The following SDK2 variants were observed in gnomAD, a reference collection of about 807,000 sequenced individuals.
SDK2 encodes the protein protein sidekick-2.
A neutral mutation model predicts 253.9 loss-of-function variants in SDK2; 105 were observed. The ratio of observed to expected loss-of-function variants is 0.41; its 90% CI spans 0.35 to 0.49. The LOEUF is 0.49. Ranked by LOEUF, SDK2 falls within the 20% of genes least tolerant of loss-of-function variation. The probability of loss-of-function intolerance (pLI) is 0.06; values close to 1 mark genes in which losing one functional copy is unlikely to be tolerated. For missense variants in SDK2, 2,608 were observed against 3,003.0 expected, an observed-to-expected ratio of 0.87 and a Z score of 3.07; for synonymous variants, 1,249 against 1,234.9, an observed-to-expected ratio of 1.01 and a Z score of -0.24.
intron 1 of SDK2, among the ~76,000 whole-genome samples, chr17:73,636,077 G>T (rs561810125): frequency 4.8e-4 from 73 of 152,312 alleles, no homozygotes; most frequent in African/African-American, 1.6e-3. Context: ...TCTCCCTGGA[G>T]AATAGCTGTC....
chr17:73,567,383 G>C (rs2045327123), intron 1 of SDK2, among the ~76,000 whole-genome samples: 1 of 152,288 alleles, frequency 6.6e-6, no homozygotes, highest in African/African-American at 2.4e-5. Context: ...TGGGTGCCCA[G>C]ACAAGGCCTG....
At chr17:73,354,191 G>A (rs560814248) in intron 40 of SDK2, among the ~76,000 whole-genome samples, 10 of 152,312 alleles carry the variant, frequency 6.6e-5, no homozygotes, top group African/African-American at 2.4e-4. Context: ...ACAGGTGTGA[G>A]CCACCGCGCT....
At chr17:73,557,652 C>CT (rs1169872107) in intron 1 of SDK2, among the ~76,000 whole-genome samples, 1 of 151,956 alleles carries the variant, frequency 6.6e-6, no homozygotes, top group East Asian at 1.9e-4. Context: ...TCCTCCTCCT[C>CT]CTCTCTCTCT....
At chr17:73,493,552 C>T (rs2063822007) in intron 2 of SDK2, among the ~76,000 whole-genome samples, 1 of 152,212 alleles carries the variant, frequency 6.6e-6, no homozygotes, top group Non-Finnish European at 1.5e-5. Flanking sequence ...GTGGCAGGTC[C>T]ACATCCCTAG....
intron 44 of SDK2, among the ~76,000 whole-genome samples, chr17:73,339,938 T>C (rs2062420432): frequency 6.6e-6 from 1 of 152,190 alleles, no homozygotes. Flanking sequence ...TGGTGCAATC[T>C]GGGCTCACTG....
chr17:73,495,755 G>A (rs917450078), intron 2 of SDK2, among the ~76,000 whole-genome samples: 28 of 151,978 alleles, frequency 1.8e-4, no homozygotes, highest in African/African-American at 6.3e-4. Context: ...CCTCAGGTCG[G>A]GAGAAGGACA....
intron 1 of SDK2, among the ~76,000 whole-genome samples, chr17:73,591,563 A>T (rs918376282): frequency 6.6e-6 from 1 of 152,164 alleles, no homozygotes; most frequent in African/African-American, 2.4e-5. Context: ...AACCTGTAGG[A>T]CGTGTAGAAT....
intron 26 of SDK2, 31 bp from the exon 27 acceptor site, chr17:73,393,780 C>T: frequency 1.3e-6 from 2 of 1,493,862 alleles, no homozygotes; most frequent in South Asian, 2.8e-5. Flanking sequence ...GTGAGGGCCT[C>T]AGGCCTGCAT....
intron 29 of SDK2, among the ~76,000 whole-genome samples, chr17:73,389,183 C>CTTTTTT (rs61085516): frequency 2.0e-5 from 2 of 99,020 alleles, no homozygotes; most frequent in Admixed American, 1.1e-4. Flanking sequence ...ATATTCCTTT[C>CTTTTTT]TTTTTTTTTT....
intron 1 of SDK2, among the ~76,000 whole-genome samples, chr17:73,589,409 T>A (rs1038331381): frequency 6.6e-6 from 1 of 152,194 alleles, no homozygotes; most frequent in East Asian, 1.9e-4. Context: ...TGGGGCAGAT[T>A]TGCAGAGCTG....
chr17:73,353,700 A>ATTTTTTTTTT lies in SDK2; in HGVS notation c.5594-1073_5594-1064dup, dbSNP rs11370066. Among the ~76,000 whole-genome samples the ATTTTTTTTTT allele has an allele frequency of 3.1e-5, 3 of 97,222 alleles. 1 individual carries two copies. The highest frequency in any genetic ancestry group is 1.9e-5 in the Non-Finnish European group (1 of 52,422). 63.8% of individuals were successfully genotyped at this position (97,222 alleles called of 152,430 possible). Reference sequence around the variant, plus strand: ...AGGTGTGAGCCACTGTGCCTGGCCAATTTTTTTTTTTTTTTTTTTTTGAGA... The same window carrying ATTTTTTTTTT: ...AGGTGTGAGCCACTGTGCCTGGCCAATTTTTTTTTTTTTTTTTTTTTTTTTTTTTTTGAGA... On this transcript the variant is annotated intron_variant, in intron 40 of 44. Transcript: ENST00000392650.
In SDK2 at chr17:73,502,734, C is replaced by T. The variant is rs74654289; in HGVS notation, c.224+4704G>A. The stretch of plus-strand genomic sequence containing the variant: ...CCAACCACCATAGTAATAACTGATT[C>T]GGGTAAGACTCTTCAATGGATACTA... On this transcript the variant is annotated intron_variant, in intron 2 of 44. Transcript: ENST00000392650. 5.9e-3 allele frequency among the ~76,000 whole-genome samples: 899 copies of T among 152,258 alleles called. 14 individuals carry two copies. The highest frequency in any genetic ancestry group is 0.021 in the African/African-American group (863 of 41,552).
In SDK2 at chr17:73,605,240, C is replaced by T. The variant is rs116360893; in HGVS notation, c.64+38785G>A. 2.1e-3 allele frequency among the ~76,000 whole-genome samples: 318 copies of T among 152,060 alleles called. 1 individual carries two copies. Among genetic ancestry groups the T allele is most frequent in the African/African-American group, 7.3e-3 (302 of 41,486 alleles). ...TGAAGGAAAGATGTAGGGAAGAGGC[C>T]GGAGCAGTCAAGAGAAATTGCTAAG... On this transcript the variant is annotated intron_variant, in intron 1 of 44. Coordinates refer to ENST00000392650, the MANE Select transcript of SDK2 (RefSeq NM_001144952.2).
rs1446026133 is a variant in SDK2, at chr17:73,541,863, T to C, written c.65-34266A>G. Among the ~76,000 whole-genome samples, 1 of 152,214 alleles carries C rather than the reference T, an allele frequency of 6.6e-6. No individual in the cohort carries two copies. Among genetic ancestry groups the C allele is most frequent in the Non-Finnish European group, 1.5e-5 (1 of 68,036 alleles). On this transcript the variant is annotated intron_variant, in intron 1 of 44. Coordinates refer to ENST00000392650, the MANE Select transcript of SDK2 (RefSeq NM_001144952.2). The surrounding 1 kb of genome is among the most constrained non-coding windows in gnomAD (Gnocchi z 4.3). The stretch of plus-strand genomic sequence containing the variant: ...ATCCTCGTCAATCGGGCTCATGGTT[T>C]GGTGGAAACCACCTAGGCTGGGATG...
At chr17:73,342,283 A>G (rs1273244897) in intron 44 of SDK2, among the ~76,000 whole-genome samples, 1 of 152,130 alleles carries the variant, frequency 6.6e-6, no homozygotes, top group African/African-American at 2.4e-5. Flanking sequence ...AAGACAATGG[A>G]AAGTCCCTGG....
rs2063706368 is a variant in SDK2, at chr17:73,479,206, G to C, written c.225-6988C>G. ...CCTGCTGCCTGCAGGTGTCGCCCCA[G>C]ATGTCTGAGGCCAACACAGGTTCCA... is the stretch of plus-strand genomic sequence containing the variant. On this transcript the variant is annotated intron_variant, in intron 2 of 44. Transcript: ENST00000392650. Among the ~76,000 whole-genome samples the C allele has an allele frequency of 2.0e-5, 3 of 152,246 alleles. No homozygotes were observed. The South Asian group carries it at 6.2e-4, about 31-fold the overall frequency.
chr17:73,528,189 G>A (rs1037098596), intron 1 of SDK2, among the ~76,000 whole-genome samples: 1 of 152,148 alleles, frequency 6.6e-6, no homozygotes, highest in African/African-American at 2.4e-5. Context: ...CAAATATAGG[G>A]GAACTGGAGC....
At chr17:73,633,900 C>T (rs1208122958) in intron 1 of SDK2, among the ~76,000 whole-genome samples, 1 of 152,018 alleles carries the variant, frequency 6.6e-6, no homozygotes, top group Non-Finnish European at 1.5e-5. Context: ...AAGGAAGGTG[C>T]TATTGGGCTG....
Position 73,414,734 on chromosome 17 carries a change from C to T in SDK2, c.2394G>A (p.Val798=), listed in dbSNP as rs763511096. 37 of 1,613,626 alleles carry T rather than the reference C, an allele frequency of 2.3e-5. No individual in the cohort carries two copies. Among genetic ancestry groups the T allele is most frequent in the Admixed American group, 8.3e-5 (5 of 59,990 alleles). ...TCGTGGAATTGGTGGCTTCCGCGTG[C>T]ACATTGCCCGGAGGGACCGTGGGAA... The part of the protein sequence containing the change: ...QGVPTVPPGN[V]HAEATNSTTI... Residue 798 remains valine, a synonymous_variant, in exon 18 of 45, where the codon GTG becomes GTA. Transcript: ENST00000392650.
Sources: allele counts gnomAD v4.1 joint callset (sites outside exome capture counted in the v4.1 genomes callset), GRCh38; gene constraint gnomAD v4.1.1; non-coding constraint Gnocchi (gnomAD v3.1); transcripts MANE v1.5; gene names NCBI Gene and HGNC (gene_info 2026-07-23, HGNC 2026-07-21).